Variants in PRKN observed in about 807,000 individuals in gnomAD.
The protein encoded by PRKN is parkin RBR E3 ubiquitin protein ligase, also known as E3 ubiquitin-protein ligase parkin.
PRKN carries 56 observed loss-of-function variants against 59.5 expected under a neutral mutation model. The ratio of observed to expected loss-of-function variants is 0.94; its 90% CI spans 0.76 to 1.18. PRKN has a LOEUF of 1.18. PRKN is among the 50% of genes most tolerant of loss of function. PRKN has a pLI of 0.00. For missense variants in PRKN, 657 were observed against 596.4 expected (o/e 1.10, Z -1.06); for synonymous variants, 250 against 222.1 (o/e 1.13, Z -1.12).
intron 7 of PRKN, among the ~76,000 whole-genome samples, chr6:161,720,180 A>G (rs6924558): frequency 6.6e-6 from 1 of 152,258 alleles, no homozygotes; most frequent in Non-Finnish European, 1.5e-5. Flanking sequence ...ATTATTAACC[A>G]TACTAACAAT....
intron 5 of PRKN, among the ~76,000 whole-genome samples, chr6:162,047,168 G>A (rs988075878): frequency 1.3e-5 from 2 of 152,158 alleles, no homozygotes; most frequent in Non-Finnish European, 2.9e-5. Context: ...GGGGACCAAC[G>A]TAAGGGCAGG....
At chr6:162,038,955 C>T (rs1248623134) in intron 5 of PRKN, among the ~76,000 whole-genome samples, 1 of 152,016 alleles carries the variant, frequency 6.6e-6, no homozygotes, top group Non-Finnish European at 1.5e-5. Flanking sequence ...GAGATCGAGA[C>T]CATCCTGGCT....
chr6:162,701,630 T>G (rs1020003750), intron 1 of PRKN, among the ~76,000 whole-genome samples: 1 of 151,838 alleles, frequency 6.6e-6, no homozygotes, highest in East Asian at 1.9e-4. Flanking sequence ...GACAATGTAG[T>G]AAGACAACCT....
chr6:161,597,352 C>A (rs1781951772), intron 7 of PRKN, among the ~76,000 whole-genome samples: 1 of 152,184 alleles, frequency 6.6e-6, no homozygotes, highest in South Asian at 2.1e-4. Flanking sequence ...TGAATATTTT[C>A]ATATTTCACA....
intron 3 of PRKN, among the ~76,000 whole-genome samples, chr6:162,248,025 A>G (rs1270802459): frequency 6.6e-6 from 1 of 152,204 alleles, no homozygotes; most frequent in African/African-American, 2.4e-5. Context: ...TATACTTAAA[A>G]CTGGCTTTAA....
At chr6:162,058,495 G>C (rs1300612975) in intron 4 of PRKN, among the ~76,000 whole-genome samples, 1 of 152,202 alleles carries the variant, frequency 6.6e-6, no homozygotes, top group Non-Finnish European at 1.5e-5. Flanking sequence ...ACCACACTGT[G>C]CTTGAGGCAC....
At chr6:161,715,195 C>G (rs527954277) in intron 7 of PRKN, among the ~76,000 whole-genome samples, 2 of 152,318 alleles carry the variant, frequency 1.3e-5, no homozygotes, top group East Asian at 3.9e-4. Context: ...TGAGGTCCAT[C>G]ATTCACTGAT....
intron 4 of PRKN, among the ~76,000 whole-genome samples, chr6:162,193,967 T>A (rs1325422362): frequency 1.3e-5 from 2 of 152,054 alleles, no homozygotes; most frequent in Non-Finnish European, 2.9e-5. Context: ...ATACAGAAGA[T>A]CCTAAAAGCT....
intron 7 of PRKN, among the ~76,000 whole-genome samples, chr6:161,774,381 AGCACAC>A (rs1461258010): frequency 0.011 from 937 of 89,158 alleles, 21 homozygotes; most frequent in African/African-American, 0.032. Flanking sequence ...CTACTCCCTG[AGCACAC>A]ACACACACAC....
intron 9 of PRKN, among the ~76,000 whole-genome samples, chr6:161,532,771 C>T (rs1030449887): frequency 3.3e-5 from 5 of 152,140 alleles, no homozygotes; most frequent in East Asian, 1.9e-4. Flanking sequence ...GGTGCATGCA[C>T]GTGGATGCTG....
At chr6:162,479,404 T>A (rs1045037568) in intron 1 of PRKN, among the ~76,000 whole-genome samples, 1 of 152,058 alleles carries the variant, frequency 6.6e-6, no homozygotes, top group East Asian at 1.9e-4. Flanking sequence ...TTTTTTTGTA[T>A]TTTTAGTAGA....
intron 7 of PRKN, among the ~76,000 whole-genome samples, chr6:161,683,100 C>G (rs1280046080): frequency 2.0e-5 from 3 of 152,202 alleles, no homozygotes; most frequent in Non-Finnish European, 4.4e-5. Flanking sequence ...CTTTACTCAT[C>G]TGGCAAGGGC....
In PRKN at chr6:161,526,474, T is replaced by C. The variant is rs879834358; in HGVS notation, c.1083+22380A>G. On this transcript the variant is annotated intron_variant, in intron 9 of 11. Transcript: ENST00000366898. This position sits in a 1 kb window ranked among gnomAD's most constrained non-coding sequence, Gnocchi z 4.1. ...GTGATATTTTCCTATTGTCTTCTTT[T>C]TTGTTGTCCTGTCTTGCTAATTCTT... Among the ~76,000 whole-genome samples, 18 of 152,102 alleles carry C rather than the reference T, an allele frequency of 1.2e-4. No homozygotes were observed. Among genetic ancestry groups the C allele is most frequent in the Admixed American group, 1.2e-3 (18 of 15,268 alleles).
intron 6 of PRKN, among the ~76,000 whole-genome samples, chr6:161,831,487 A>G: frequency 6.6e-6 from 1 of 152,218 alleles, no homozygotes; most frequent in African/African-American, 2.4e-5. Flanking sequence ...CTGACAGCAG[A>G]AAAATCCCAG....
chr6:162,023,485 C>T (rs879463374), intron 5 of PRKN, among the ~76,000 whole-genome samples: 1 of 152,094 alleles, frequency 6.6e-6, no homozygotes, highest in African/African-American at 2.4e-5. Context: ...CTCCTCCGAC[C>T]GCCCCAGCCA....
chr6:162,418,856 CAGG>C lies in PRKN; in HGVS notation c.171+24451_171+24453del, dbSNP rs568477308. Among the ~76,000 whole-genome samples the C allele has an allele frequency of 3.5e-3, 533 of 151,852 alleles. 1 individual carries two copies. Among genetic ancestry groups the C allele is most frequent in the African/African-American group, 0.012 (507 of 41,430 alleles). Reference sequence around the variant, plus strand: ...ACTGCAGCCCCCAAAAGCCCCTTCTCAGGAGGAGGGGAGGGAGAAGCCAGCTAG... The same window carrying C: ...ACTGCAGCCCCCAAAAGCCCCTTCTCAGGAGGGGAGGGAGAAGCCAGCTAG... On this transcript the variant is annotated intron_variant, in intron 2 of 11. Coordinates refer to ENST00000366898, the MANE Select transcript of PRKN (RefSeq NM_004562.3).
rs1789463368 is a variant in PRKN, at chr6:161,445,831, TTC to T, written c.1084-58956_1084-58955del. 5.5e-5 allele frequency among the ~76,000 whole-genome samples: 8 copies of T among 145,214 alleles called. No homozygotes were observed. The highest frequency in any genetic ancestry group is 4.3e-4 in the South Asian group (2 of 4,632). On this transcript the variant is annotated intron_variant, in intron 9 of 11. Coordinates refer to ENST00000366898, the MANE Select transcript of PRKN (RefSeq NM_004562.3). The surrounding 1 kb of genome is among the most constrained non-coding windows in gnomAD (Gnocchi z 7.7). ...TTCCCTTCCCTTCCCTTCCCTTCCCTTCCCTATCGACAGCCTTGCAGGGTGGT... is the reference window on the plus strand; with the variant it reads ...TTCCCTTCCCTTCCCTTCCCTTCCCTCCTATCGACAGCCTTGCAGGGTGGT...
rs1056966527 is a variant in PRKN, at chr6:161,579,226, A to T, written c.872-9810T>A. ...GTGGTTGGTTGGTTACCTGAGTGAA[A>T]ATGTCAATGTCTAGTTAACGTTGGG... On this transcript the variant is annotated intron_variant, in intron 7 of 11. Transcript: ENST00000366898. The surrounding 1 kb of genome is among the most constrained non-coding windows in gnomAD (Gnocchi z 4.2). Among the ~76,000 whole-genome samples, 8 of 152,140 alleles carry T rather than the reference A, an allele frequency of 5.3e-5. No individual in the cohort carries two copies. The highest frequency in any genetic ancestry group is 1.7e-4 in the African/African-American group (7 of 41,420).
Position 162,451,387 on chromosome 6 carries a change from T to A in PRKN, c.8-7914A>T, listed in dbSNP as rs796281045. Reference sequence around the variant, plus strand: ...AGGAGTAAAAAAAAAAAAAAAAAAATTGCAATGAGTGGAAAGATATGACAG... The same window carrying A: ...AGGAGTAAAAAAAAAAAAAAAAAAAATGCAATGAGTGGAAAGATATGACAG... On this transcript the variant is annotated intron_variant, in intron 1 of 11. Transcript: ENST00000366898. 5.9e-3 allele frequency among the ~76,000 whole-genome samples: 624 copies of A among 105,660 alleles called. 3 individuals carry two copies. Among genetic ancestry groups the A allele is most frequent in the African/African-American group, 0.021 (592 of 28,002 alleles). 69.3% of individuals were successfully genotyped at this position (105,660 alleles called of 152,430 possible).
Sources: allele counts gnomAD v4.1 joint callset (sites outside exome capture counted in the v4.1 genomes callset), GRCh38; gene constraint gnomAD v4.1.1; non-coding constraint Gnocchi (gnomAD v3.1); transcripts MANE v1.5; gene names NCBI Gene and HGNC (gene_info 2026-07-23, HGNC 2026-07-21).